Variants in NBPF26 observed in about 807,000 individuals in gnomAD.
NBPF26 encodes the protein NBPF member 26, also known as NBPF family member NBPF26.
A neutral mutation model predicts 119.6 loss-of-function variants in NBPF26; 79 were observed. The ratio of observed to expected loss-of-function variants is 0.66; its 90% CI spans 0.55 to 0.80. The LOEUF (loss-of-function observed/expected upper bound fraction) is 0.80. Ranked by LOEUF, NBPF26 falls within the 30% of genes least tolerant of loss-of-function variation. The pLI, the probability that NBPF26 is intolerant of heterozygous loss-of-function variation, is 0.00. For synonymous variants in NBPF26, 299 were observed against 457.7 expected, an observed-to-expected ratio of 0.65 and a Z score of 4.43; for missense variants, 800 against 1,198.2, an observed-to-expected ratio of 0.67 and a Z score of 4.91.
intron 1 of NBPF26, among the ~76,000 whole-genome samples, chr1:120,724,833 C>T (rs1435495893): frequency 0.034 from 2,863 of 84,936 alleles, 265 homozygotes; most frequent in African/African-American, 0.12. Context: ...CCGGGGGAGC[C>T]GTGTGTGCTG....
intron 15 of NBPF26, among the ~76,000 whole-genome samples, 159 bp from the exon 16 acceptor site, chr1:120,821,945 C>A (rs1652126864): frequency 1.6e-5 from 2 of 122,846 alleles, no homozygotes; most frequent in Non-Finnish European, 3.3e-5. Context: ...CACCCTCCAC[C>A]CTGTATTTAG....
rs1203104682 is a variant in NBPF26 at position 120,788,480 on chromosome 1, TG to T, written c.415+3249del. Among the ~76,000 whole-genome samples, 15 of 45,414 alleles carry T rather than the reference TG, an allele frequency of 3.3e-4. 3 individuals carry two copies. In the East Asian group the frequency reaches 4.7e-3, roughly 14 times the overall value. 29.8% of individuals were successfully genotyped at this position (45,414 alleles called of 152,430 possible). The stretch of plus-strand genomic sequence containing the variant: ...GTGGATCACTAGGGGTGATGGTGAG[TG>T]GTACCACTTCCATTTCCACCCCGTG... On this transcript the variant is annotated intron_variant, in intron 3 of 29. Coordinates refer to ENST00000620612, the Ensembl canonical transcript of NBPF26.
At chr1:120,822,976 C>A (rs1652152622) in intron 16 of NBPF26, among the ~76,000 whole-genome samples, 1 of 125,964 alleles carries the variant, frequency 7.9e-6, no homozygotes, top group Non-Finnish European at 1.6e-5. Flanking sequence ...ATGAGAAAAG[C>A]CTAATATTGA....
intron 1 of NBPF26, among the ~76,000 whole-genome samples, chr1:120,745,120 CAA>C (rs1180453854): frequency 2.7e-5 from 1 of 36,568 alleles, no homozygotes. Context: ...ATCCTGTCTC[CAA>C]AAAAAAAAAA....
chr1:120,758,953 C>T (rs1270120262), intron 1 of NBPF26, among the ~76,000 whole-genome samples: 1 of 105,074 alleles, frequency 9.5e-6, no homozygotes, highest in Non-Finnish European at 1.8e-5. Context: ...TTATACATTA[C>T]TGGGTTTTGT....
chr1:120,770,412 G>T lies in NBPF26; in HGVS notation c.155+6703G>T, dbSNP rs1296291164. 1.0e-3 allele frequency among the ~76,000 whole-genome samples: 115 copies of T among 111,204 alleles called. 38 individuals carry two copies. The highest frequency in any genetic ancestry group is 6.1e-3 in the African/African-American group (105 of 17,266). 73.0% of individuals were successfully genotyped at this position (111,204 alleles called of 152,430 possible). On this transcript the variant is annotated intron_variant, in intron 2 of 29. Transcript: ENST00000620612. ...TCTCTATCTCCTGACCTCATGATCT[G>T]CCCGCCTCGGCCTCCCAAAGTGCTG...
intron 1 of NBPF26, among the ~76,000 whole-genome samples, chr1:120,742,318 T>C (rs1650947837): frequency 6.3e-5 from 2 of 31,842 alleles, no homozygotes; most frequent in Non-Finnish European, 4.9e-5. Context: ...TGTGCGTGTG[T>C]GTGTGTGTGT....
intron 14 of NBPF26, among the ~76,000 whole-genome samples, chr1:120,817,491 C>G (rs1652036015): frequency 2.5e-5 from 1 of 40,128 alleles, no homozygotes; most frequent in South Asian, 8.8e-4. Flanking sequence ...TGCAGTGGCA[C>G]CATCTTGGCT....
chr1:120,806,396 T>C lies in NBPF26; in HGVS notation c.961+631T>C, dbSNP rs1487545878. 1.5e-4 allele frequency among the ~76,000 whole-genome samples: 16 copies of C among 107,524 alleles called. 4 individuals carry two copies. The highest frequency in any genetic ancestry group is 6.4e-4 in the African/African-American group (13 of 20,416). The allele number at this position is 107,524 out of a possible 152,430, so 70.5% of individuals were successfully genotyped here. ...GAGCACGAGGTCAGCAGTTTGAGACTAGCCTGGGCAACATGGAGAAACCCC... is the reference window on the plus strand; with the variant it reads ...GAGCACGAGGTCAGCAGTTTGAGACCAGCCTGGGCAACATGGAGAAACCCC... On this transcript the variant is annotated intron_variant, in intron 5 of 29. Coordinates refer to ENST00000620612, the Ensembl canonical transcript of NBPF26.
chr1:120,804,624 T>G (rs1651633448), intron 4 of NBPF26, among the ~76,000 whole-genome samples: 1 of 119,200 alleles, frequency 8.4e-6, no homozygotes, highest in Non-Finnish European at 1.6e-5. Flanking sequence ...AAAGAGGTCT[T>G]GTGGCACTAG....
rs1446310937 is a variant in NBPF26, at chr1:120,727,988, C to T, written c.73+3738C>T. Among the ~76,000 whole-genome samples, 2 of 119,484 alleles carry T rather than the reference C, an allele frequency of 1.7e-5. 1 individual carries two copies. Among genetic ancestry groups the T allele is most frequent in the Non-Finnish European group, 3.3e-5 (2 of 61,260 alleles). 78.4% of individuals were successfully genotyped at this position (119,484 alleles called of 152,430 possible). On this transcript the variant is annotated intron_variant, in intron 1 of 29. Transcript: ENST00000620612. ...GTAGGAGAGCCACTGTTTCGGTCCT[C>T]CATTTTCTGATGTTCATTGTTCATG... is the stretch of plus-strand genomic sequence containing the variant.
At chr1:120,782,759 G>C in intron 2 of NBPF26, among the ~76,000 whole-genome samples, 1 of 98,872 alleles carries the variant, frequency 1.0e-5, no homozygotes, top group East Asian at 2.4e-4. Context: ...GAATAATGCT[G>C]CTATGAACAT....
In NBPF26 at chr1:120,729,859, TG is replaced by T. The variant is rs1333144176; in HGVS notation, c.73+5612del. On this transcript the variant is annotated intron_variant, in intron 1 of 29. Transcript: ENST00000620612. ...TTTTAGAATCACTGCAGAGTGAATC[TG>T]GGAAATCAAAGTGTTTGTTTTTGTT... 1.9e-5 allele frequency among the ~76,000 whole-genome samples: 2 copies of T among 107,596 alleles called. 1 individual carries two copies. Among genetic ancestry groups the T allele is most frequent in the Non-Finnish European group, 3.5e-5 (2 of 57,120 alleles). The allele number at this position is 107,596 out of a possible 152,430, so 70.6% of individuals were successfully genotyped here. A position where few individuals can be genotyped will look rare whatever the true frequency, so the allele number is the denominator to read the frequency against.
Position 120,804,739 on chromosome 1 carries a change from G to A in NBPF26, c.752-817G>A, listed in dbSNP as rs1434999082. Among the ~76,000 whole-genome samples, 4 of 116,704 alleles carry A rather than the reference G, an allele frequency of 3.4e-5. 1 individual carries two copies. The South Asian group carries it at 7.4e-4, about 22-fold the overall frequency. The allele number at this position is 116,704 out of a possible 152,430, so 76.6% of individuals were successfully genotyped here. A position where few individuals can be genotyped will look rare whatever the true frequency, so the allele number is the denominator to read the frequency against. ...CTTTGGACGTAGGGATGTCAAACTGGTCTAGAATGTAATGAAAACCCAAGA... is the reference window on the plus strand; with the variant it reads ...CTTTGGACGTAGGGATGTCAAACTGATCTAGAATGTAATGAAAACCCAAGA... On this transcript the variant is annotated intron_variant, in intron 4 of 29. Transcript: ENST00000620612.
rs1253477374 is a variant in NBPF26, at chr1:120,806,834, A to G, written c.962-773A>G. ...TCCCTCAGTTTCCTCATCTGTTCAG[A>G]GGGTACTACAATAATACCTACCTCT... On this transcript the variant is annotated intron_variant, in intron 5 of 29. Transcript: ENST00000620612. Among the ~76,000 whole-genome samples the G allele has an allele frequency of 1.2e-4, 14 of 120,588 alleles. 1 individual carries two copies. Among genetic ancestry groups the G allele is most frequent in the Non-Finnish European group, 2.3e-4 (14 of 59,956 alleles). The allele number at this position is 120,588 out of a possible 152,430, so 79.1% of individuals were successfully genotyped here.
At chr1:120,765,715 G>T (rs1413305455) in intron 2 of NBPF26, among the ~76,000 whole-genome samples, 2 of 113,604 alleles carry the variant, frequency 1.8e-5, no homozygotes, top group African/African-American at 8.2e-5. Flanking sequence ...CAGTAGGAAA[G>T]ACTTGGAACC....
At position 120,764,263 on chromosome 1, in the gene NBPF26, AAT is replaced by A. The variant is rs1281394909; in HGVS notation, c.155+560_155+561del. ...CTCCGTCTCAAAAAGAAATAAAAAA[AAT>A]ATATAAAAAAATATATATTAGATTC... On this transcript the variant is annotated intron_variant, in intron 2 of 29. Transcript: ENST00000620612. Among the ~76,000 whole-genome samples the A allele has an allele frequency of 6.3e-5, 7 of 110,756 alleles. 3 individuals carry two copies. Among genetic ancestry groups the A allele is most frequent in the African/African-American group, 2.2e-4 (4 of 18,104 alleles). The allele number at this position is 110,756 out of a possible 152,430, so 72.7% of individuals were successfully genotyped here. A position where few individuals can be genotyped will look rare whatever the true frequency, so the allele number is the denominator to read the frequency against.
intron 1 of NBPF26, among the ~76,000 whole-genome samples, chr1:120,733,063 A>G (rs1338208445): frequency 1.7e-5 from 1 of 58,696 alleles, no homozygotes; most frequent in Non-Finnish European, 2.8e-5. Flanking sequence ...TTTTTGGTAT[A>G]CGTCTTTGGT....
Position 120,822,053 on chromosome 1 carries a change from A to G in NBPF26, c.2424-51A>G, listed in dbSNP as rs1298676692. On this transcript the variant is annotated intron_variant, in intron 15 of 29. Transcript: ENST00000620612. ...GATCATCTGGGAGGTTTTGTTGTCT[A>G]AAGTCTGTTGGTTAAATCTTCTGTC... is the stretch of plus-strand genomic sequence containing the variant. The G allele has an allele frequency of 1.2e-5, 18 of 1,446,870 alleles. 4 individuals carry two copies. Among genetic ancestry groups the G allele is most frequent in the Non-Finnish European group, 1.7e-5 (18 of 1,082,358 alleles). The allele number at this position is 1,446,870 out of a possible 1,614,324, so 89.6% of individuals were successfully genotyped here.
Sources: allele counts gnomAD v4.1 joint callset (sites outside exome capture counted in the v4.1 genomes callset), GRCh38; gene constraint gnomAD v4.1.1; transcripts MANE v1.5; gene names NCBI Gene and HGNC (gene_info 2026-07-23, HGNC 2026-07-21).